The following ZBTB7C variants were observed in gnomAD, a reference collection of about 807,000 sequenced individuals.
The protein encoded by ZBTB7C is zinc finger and BTB domain-containing protein 7C.
Under a neutral mutation model 25.7 loss-of-function variants are expected in ZBTB7C, and 8 were observed. The ratio of observed to expected loss-of-function variants is 0.31; its 90% CI spans 0.18 to 0.56. The LOEUF (loss-of-function observed/expected upper bound fraction) is 0.56, where lower values mean the gene tolerates loss of function less well. Among genes scored for constraint, ZBTB7C ranks in the 20% least tolerant of loss-of-function variants. The pLI is 0.91. For missense variants in ZBTB7C, 824 were observed against 855.2 expected (o/e 0.96, Z 0.46); for synonymous variants, 394 against 369.0 (o/e 1.07, Z -0.78).
intron 1 of ZBTB7C, among the ~76,000 whole-genome samples, chr18:48,380,004 A>T (rs2047600124): frequency 6.6e-6 from 1 of 152,220 alleles, no homozygotes; most frequent in Non-Finnish European, 1.5e-5. Context: ...AAGACAGAGA[A>T]TAAGCATTTG....
chr18:48,205,854 C>T (rs1210206290), intron 2 of ZBTB7C, among the ~76,000 whole-genome samples: 1 of 152,130 alleles, frequency 6.6e-6, no homozygotes, highest in Non-Finnish European at 1.5e-5. Context: ...GGTATAACCT[C>T]TCTCAAGGTT....
chr18:48,101,484 C>T (rs1782396060), intron 3 of ZBTB7C, among the ~76,000 whole-genome samples: 3 of 152,090 alleles, frequency 2.0e-5, no homozygotes, highest in African/African-American at 7.2e-5. Flanking sequence ...TTGCTTTTTT[C>T]ACACCACATC....
chr18:48,274,049 T>C (rs1186160342), intron 2 of ZBTB7C, among the ~76,000 whole-genome samples: 1 of 152,188 alleles, frequency 6.6e-6, no homozygotes, highest in African/African-American at 2.4e-5. Flanking sequence ...ATACTTTCCA[T>C]AACACTTCTA....
intron 2 of ZBTB7C, among the ~76,000 whole-genome samples, chr18:48,268,459 G>T (rs1377762922): frequency 6.6e-6 from 1 of 152,196 alleles, no homozygotes; most frequent in East Asian, 1.9e-4. Flanking sequence ...AGAAGAACTT[G>T]ATTAGACATC....
intron 2 of ZBTB7C, among the ~76,000 whole-genome samples, chr18:48,264,159 G>A (rs953814475): frequency 6.6e-6 from 1 of 152,164 alleles, no homozygotes; most frequent in African/African-American, 2.4e-5. Flanking sequence ...CAGTGCGTGG[G>A]TGACATCTCT....
chr18:48,377,125 G>C (rs2047538489), intron 1 of ZBTB7C, among the ~76,000 whole-genome samples: 2 of 152,164 alleles, frequency 1.3e-5, no homozygotes, highest in South Asian at 2.1e-4. Flanking sequence ...CCAGAGGATG[G>C]GGGAGGCGAT....
intron 2 of ZBTB7C, among the ~76,000 whole-genome samples, chr18:48,187,688 G>A (rs1485285195): frequency 6.6e-6 from 1 of 151,998 alleles, no homozygotes; most frequent in East Asian, 1.9e-4. Context: ...GGGTGTGGGG[G>A]CCGGTGCCTG....
chr18:48,193,342 G>T (rs12458557), intron 2 of ZBTB7C, among the ~76,000 whole-genome samples: 46,917 of 152,048 alleles, frequency 0.31, 7,483 homozygotes, highest in East Asian at 0.55. Context: ...CCCCCTCCTC[G>T]CAGGTCTAGA....
At position 48,108,669 on chromosome 18, in the gene ZBTB7C, C is replaced by T. The variant is rs114890577; in HGVS notation, c.-16-67546G>A. Among the ~76,000 whole-genome samples the T allele has an allele frequency of 4.4e-3, 673 of 152,262 alleles. 10 individuals carry two copies. The highest frequency in any genetic ancestry group is 0.016 in the African/African-American group (649 of 41,536). On this transcript the variant is annotated intron_variant, in intron 3 of 4. Transcript: ENST00000590800. ...GTTGCCCAGGCTGATCTCCTGGCTT[C>T]AAGCGATCCTCCCACCTCAGCCTCT...
intron 3 of ZBTB7C, among the ~76,000 whole-genome samples, chr18:48,125,262 G>C (rs768430793): frequency 6.6e-6 from 1 of 152,160 alleles, no homozygotes; most frequent in Non-Finnish European, 1.5e-5. Context: ...TGGGAACCCA[G>C]ATCTAAGTGG....
chr18:48,145,018 G>A lies in ZBTB7C; in HGVS notation c.-17+40916C>T, dbSNP rs144155241. Among the ~76,000 whole-genome samples the A allele has an allele frequency of 3.4e-4, 52 of 152,210 alleles. No individual in the cohort carries two copies. In the East Asian group the frequency reaches 7.9e-3, roughly 23 times the overall value. ...CAAGAGGAGGCATTCCTGGTTCTTT[G>A]GGGAGGCCTCTGCTCTAGAATCTGG... On this transcript the variant is annotated intron_variant, in intron 3 of 4. Coordinates refer to ENST00000590800, the MANE Select transcript of ZBTB7C (RefSeq NM_001318841.2).
intron 4 of ZBTB7C, among the ~76,000 whole-genome samples, chr18:48,030,644 G>C (rs979994458): frequency 1.3e-5 from 2 of 152,138 alleles, no homozygotes; most frequent in African/African-American, 4.8e-5. Flanking sequence ...GGGGGCGCCT[G>C]CACCTATTGG....
chr18:48,167,536 G>T (rs1281573450), intron 3 of ZBTB7C, among the ~76,000 whole-genome samples: 2 of 132,612 alleles, frequency 1.5e-5, no homozygotes, highest in African/African-American at 5.3e-5. Context: ...ATTTGGAAAT[G>T]TTAAATGCAG....
At chr18:48,350,191 AG>A (rs1385337889) in intron 1 of ZBTB7C, among the ~76,000 whole-genome samples, 2 of 152,222 alleles carry the variant, frequency 1.3e-5, no homozygotes, top group African/African-American at 2.4e-5. Context: ...TGGAGGTTGA[AG>A]TCTGACAAGG....
intron 3 of ZBTB7C, among the ~76,000 whole-genome samples, chr18:48,183,880 G>C (rs1183347654): frequency 1.3e-5 from 2 of 152,168 alleles, no homozygotes; most frequent in Non-Finnish European, 2.9e-5. Context: ...GACCCAGGGA[G>C]ACCTGCCCTG....
intron 2 of ZBTB7C, among the ~76,000 whole-genome samples, chr18:48,287,730 A>G (rs2045099936): frequency 6.6e-6 from 1 of 152,222 alleles, no homozygotes; most frequent in South Asian, 2.1e-4. Context: ...GAATTTTTCT[A>G]TGGAATTGGA....
intron 3 of ZBTB7C, among the ~76,000 whole-genome samples, chr18:48,042,984 T>C (rs969827126): frequency 3.3e-5 from 5 of 152,204 alleles, no homozygotes; most frequent in African/African-American, 9.6e-5. Context: ...TCTGAAAAGA[T>C]GTTCAATATC....
chr18:48,396,900 G>A (rs1419613426), intron 1 of ZBTB7C, among the ~76,000 whole-genome samples: 1 of 152,154 alleles, frequency 6.6e-6, no homozygotes, highest in Non-Finnish European at 1.5e-5. Context: ...ATAAAGCATA[G>A]GTGGACGCCT....
chr18:48,140,390 C>T (rs1485537621), intron 3 of ZBTB7C, among the ~76,000 whole-genome samples: 2 of 152,088 alleles, frequency 1.3e-5, no homozygotes, highest in Admixed American at 6.5e-5. Flanking sequence ...TTATTTCCTC[C>T]ATCTTACTGA....
Sources: allele counts gnomAD v4.1 joint callset (sites outside exome capture counted in the v4.1 genomes callset), GRCh38; gene constraint gnomAD v4.1.1; transcripts MANE v1.5; gene names NCBI Gene and HGNC (gene_info 2026-07-23, HGNC 2026-07-21).